CACNA1A: variants seen among roughly 807,000 people sequenced by gnomAD.
CACNA1A encodes calcium voltage-gated channel subunit alpha1 A, also known as voltage-dependent P/Q-type calcium channel subunit alpha-1A.
CACNA1A carries 57 observed loss-of-function variants against 262.4 expected under a neutral mutation model. The observed-to-expected ratio is 0.22, with a 90% CI of 0.18 to 0.27. The LOEUF (loss-of-function observed/expected upper bound fraction) is 0.27. CACNA1A is among the 10% of genes least tolerant of loss of function. The pLI is 1.00. For missense variants in CACNA1A, 2,526 were observed against 3,562.8 expected (o/e 0.71, Z 7.41); for synonymous variants, 1,431 against 1,419.3 (o/e 1.01, Z -0.18).
intron 3 of CACNA1A, among the ~76,000 whole-genome samples, chr19:13,434,828 C>T (rs978160864): frequency 3.3e-5 from 5 of 151,994 alleles, no homozygotes; most frequent in Admixed American, 1.3e-4. Context: ...CTCACTCTGT[C>T]GCCCAGGCTG....
intron 1 of CACNA1A, among the ~76,000 whole-genome samples, chr19:13,497,370 C>A (rs933863994): frequency 7.5e-5 from 11 of 147,646 alleles, no homozygotes; most frequent in Non-Finnish European, 1.6e-4. Flanking sequence ...TCCCCCACCC[C>A]AAACTAGAAA....
chr19:13,229,449 G>A (rs1419377446), intron 36 of CACNA1A, among the ~76,000 whole-genome samples: 5 of 152,162 alleles, frequency 3.3e-5, no homozygotes, highest in African/African-American at 7.2e-5. Flanking sequence ...CTCAATACAC[G>A]TGCACAAGGT....
intron 1 of CACNA1A, 34 bp downstream of exon 1, chr19:13,505,898 C>A (rs765957889): frequency 2.5e-6 from 4 of 1,597,614 alleles, no homozygotes; most frequent in Non-Finnish European, 3.4e-6. Context: ...GAGGGGGAGG[C>A]GCAGCTGCTG....
In CACNA1A at chr19:13,208,142, AAGGGAGAGGGGCCGGGAGGAG is replaced by A. The variant is rs2054636566; in HGVS notation, c.6781-110_6781-90del. 9.4e-6 allele frequency: 4 copies of A among 426,762 alleles called. No individual in the cohort carries two copies. In the South Asian group the frequency reaches 2.9e-4, roughly 31 times the overall value. The allele number at this position is 426,762 out of a possible 1,614,324, so 26.4% of individuals were successfully genotyped here. A position where few individuals can be genotyped will look rare whatever the true frequency, so the allele number is the denominator to read the frequency against. On this transcript the variant is annotated intron_variant, in intron 46 of 46. Coordinates refer to ENST00000360228, the MANE Select transcript of CACNA1A (RefSeq NM_001127222.2). ...GGATTGGGAGGAAGAGAGGGGAGCGAAGGGAGAGGGGCCGGGAGGAGAGGGAGGAGGGGGAGGGGGAGGAGG... is the reference window on the plus strand; with the variant it reads ...GGATTGGGAGGAAGAGAGGGGAGCGAAGGGAGGAGGGGGAGGGGGAGGAGG...
At chr19:13,408,440 G>T (rs2060051409) in intron 3 of CACNA1A, among the ~76,000 whole-genome samples, 1 of 152,168 alleles carries the variant, frequency 6.6e-6, no homozygotes, top group South Asian at 2.1e-4. Flanking sequence ...TTTGAGCAGG[G>T]TATAAGGAAC....
chr19:13,412,141 ACTG>A (rs1294497122), intron 3 of CACNA1A, among the ~76,000 whole-genome samples: 1 of 152,018 alleles, frequency 6.6e-6, no homozygotes, highest in Non-Finnish European at 1.5e-5. Context: ...GGCCTCCGTT[ACTG>A]CTTGCTCAGA....
chr19:13,240,923 T>C (rs2144674508), intron 31 of CACNA1A, among the ~76,000 whole-genome samples: 1 of 152,380 alleles, frequency 6.6e-6, no homozygotes, highest in South Asian at 2.1e-4. Context: ...GATCCAAGTC[T>C]GGCACTTCTG....
chr19:13,221,234 C>CTTTCTTTTTCTTTCTT lies in CACNA1A; in HGVS notation c.5731+3432_5731+3433insAAGAAAGAAAAAGAAA, dbSNP rs1555734435. 1.9e-4 allele frequency among the ~76,000 whole-genome samples: 7 copies of CTTTCTTTTTCTTTCTT among 36,252 alleles called. No individual in the cohort carries two copies. The East Asian group carries it at 5.6e-3, about 29-fold the overall frequency. The allele number at this position is 36,252 out of a possible 152,430, so 23.8% of individuals were successfully genotyped here. ...TGTTTTTTCTTTTCTTTCTTTCTTT[C>CTTTCTTTTTCTTTCTT]TTTTTTTTTTTTTTTTTGAGACAGA... is the stretch of plus-strand genomic sequence containing the variant. On this transcript the variant is annotated intron_variant, in intron 38 of 46. Transcript: ENST00000360228.
intron 30 of CACNA1A, among the ~76,000 whole-genome samples, chr19:13,246,419 T>C (rs992088705): frequency 6.6e-6 from 1 of 152,120 alleles, no homozygotes; most frequent in Middle Eastern, 3.2e-3. Context: ...ACCAGTAACA[T>C]TTTGAATGGC....
intron 1 of CACNA1A, among the ~76,000 whole-genome samples, chr19:13,505,334 G>C (rs1406146089): frequency 1.3e-5 from 2 of 152,108 alleles, no homozygotes; most frequent in Non-Finnish European, 2.9e-5. Context: ...ACTCACTTCG[G>C]CCAGTGCTGG....
At chr19:13,287,104 C>T in intron 19 of CACNA1A, 138 bp from the exon 20 acceptor site, 1 of 708,278 alleles carries the variant, frequency 1.4e-6, no homozygotes, top group Non-Finnish European at 2.3e-6. Flanking sequence ...GTAATCCCAG[C>T]ACTTTGGGAA....
chr19:13,348,509 C>T (rs1485722178), intron 6 of CACNA1A, among the ~76,000 whole-genome samples: 1 of 152,002 alleles, frequency 6.6e-6, no homozygotes, highest in Non-Finnish European at 1.5e-5. Context: ...TCGAGACCAG[C>T]CCGGCCAACA....
In CACNA1A at chr19:13,214,905, C is replaced by T; in HGVS notation, c.5732-297G>A. The T allele has an allele frequency of 4.6e-6, 2 of 435,666 alleles. No individual in the cohort carries two copies. Among genetic ancestry groups the T allele is most frequent in the Non-Finnish European group, 8.3e-6 (2 of 240,656 alleles). The allele number at this position is 435,666 out of a possible 1,614,324, so 27.0% of individuals were successfully genotyped here. ...AATCTTGTCTCCCAGTTATCGGCTG[C>T]ATGACTTAGGTTACTCTACCACTTA... On this transcript the variant is annotated intron_variant, in intron 38 of 46. Transcript: ENST00000360228. This position sits in a 1 kb window ranked among gnomAD's most constrained non-coding sequence, Gnocchi z 4.1.
rs138585712 is a variant in CACNA1A, at chr19:13,279,989, G to A, written c.3823-2861C>T. Among the ~76,000 whole-genome samples, 319 of 147,892 alleles carry A rather than the reference G, an allele frequency of 2.2e-3. 1 individual carries two copies. Among genetic ancestry groups the A allele is most frequent in the Admixed American group, 4.5e-3 (67 of 14,752 alleles). On this transcript the variant is annotated intron_variant, in intron 22 of 46. Coordinates refer to ENST00000360228, the MANE Select transcript of CACNA1A (RefSeq NM_001127222.2). ...ACGCCCAGATAATTTTTGTATTTTT[G>A]GTAGAGACGGGGTTTCACCATGTTG...
Position 13,214,223 on chromosome 19 carries a change from A to G in CACNA1A, c.5940+10T>C. The G allele has an allele frequency of 6.2e-7, 1 of 1,602,702 alleles. No homozygotes were observed. Among genetic ancestry groups the G allele is most frequent in the Non-Finnish European group, 8.5e-7 (1 of 1,177,488 alleles). On this transcript the variant is annotated intron_variant, in intron 40 of 46. Transcript: ENST00000360228. The surrounding 1 kb of genome is among the most constrained non-coding windows in gnomAD (Gnocchi z 4.1). ...CAGCCCAGATGTCCCCAGAGCGGCG[A>G]ACAGCGCACCTGCTCCTCGCGCATG...
rs71168690 is a variant in CACNA1A, at chr19:13,224,324, C to CA, written c.5731+342dup. 0.75 allele frequency among the ~76,000 whole-genome samples: 107,121 copies of CA among 142,998 alleles called. 40,597 individuals are homozygous for CA. Among genetic ancestry groups the CA allele is most frequent in the Middle Eastern group, 0.85 (238 of 280 alleles). 93.8% of individuals were successfully genotyped at this position (142,998 alleles called of 152,430 possible). On this transcript the variant is annotated intron_variant, in intron 38 of 46. Transcript: ENST00000360228. ...GGGTGACAGAGGGAAATTGTCACAC[C>CA]AAAAAAAAAAAAATTAGCCGAGTAT...
At chr19:13,307,665 G>A in intron 15 of CACNA1A, 117 bp downstream of exon 15, 1 of 750,036 alleles carries the variant, frequency 1.3e-6, no homozygotes, top group South Asian at 1.6e-5. Context: ...TTTCAAAGTG[G>A]TGTGAAAAGG....
intron 29 of CACNA1A, 73 bp from the exon 30 acceptor site, chr19:13,253,174 A>G (rs1217059766): frequency 2.2e-6 from 2 of 912,446 alleles, no homozygotes; most frequent in African/African-American, 3.3e-5. Flanking sequence ...AGGCAGCTTC[A>G]TGGCTGTTCT....
chr19:13,224,714 G>A lies in CACNA1A; in HGVS notation c.5684C>T (p.Thr1895Ile). 1 of 1,613,132 alleles carries A rather than the reference G, an allele frequency of 6.2e-7. No homozygotes were observed. The highest frequency in any genetic ancestry group is 8.5e-7 in the Non-Finnish European group (1 of 1,179,630). Residue 1895 changes from threonine to isoleucine, a missense_variant, in exon 38 of 47, where the codon ACC becomes ATC. Transcript: ENST00000360228. ...GGCTGTGCGGATCAGAGCCATGAGG[G>A]TGGAATTGAAGTGGACGGTGTTGTC... ...ADDNTVHFNSTLMALIRTALD... is the reference protein window; with the variant it reads ...ADDNTVHFNSILMALIRTALD...
Sources: gnomAD v4.1 joint callset for allele counts (sites outside exome capture counted in the v4.1 genomes callset) on GRCh38, gnomAD v4.1.1 for gene constraint, Gnocchi (gnomAD v3.1) non-coding constraint, MANE v1.5 for transcripts, NCBI Gene and HGNC (gene_info 2026-07-23, HGNC 2026-07-21) for gene names.